The following MTM1 variants were observed in gnomAD, a reference collection of about 807,000 sequenced individuals.
MTM1 encodes myotubularin 1.
Under a neutral mutation model 52.1 loss-of-function variants are expected in MTM1, and 9 were observed. The observed-to-expected ratio is 0.17, with a 90% CI of 0.10 to 0.30. The LOEUF is 0.30. MTM1 is among the 10% of genes least tolerant of loss of function. The probability of loss-of-function intolerance (pLI) is 1.00; values close to 1 mark genes in which losing one functional copy is unlikely to be tolerated. For missense variants in MTM1, 277 were observed against 470.7 expected (o/e 0.59, Z 3.81); for synonymous variants, 136 against 163.8 (o/e 0.83, Z 1.29).
intron 6 of MTM1, among the ~76,000 whole-genome samples, chrX:150,623,821 A>G (rs2039522155): frequency 9.0e-6 from 1 of 111,576 alleles, no homozygotes; most frequent in Non-Finnish European, 1.9e-5. Context: ...TGCCTTGAAC[A>G]ATACAAAGGG....
intron 13 of MTM1, among the ~76,000 whole-genome samples, chrX:150,662,387 G>A (rs1302391259): frequency 9.0e-6 from 1 of 111,695 alleles, no homozygotes; most frequent in Non-Finnish European, 1.9e-5. Context: ...GCTGTGGCGC[G>A]ATCACGGCTC....
At chrX:150,595,118 T>G (rs1485042509) in intron 2 of MTM1, among the ~76,000 whole-genome samples, 1 of 111,638 alleles carries the variant, frequency 9.0e-6, no homozygotes, top group Non-Finnish European at 1.9e-5. Flanking sequence ...GAATATACAA[T>G]TCACATTTCT....
chrX:150,594,766 T>C (rs1291561599), intron 2 of MTM1, among the ~76,000 whole-genome samples: 2 of 112,223 alleles, frequency 1.8e-5, no homozygotes, highest in Non-Finnish European at 3.8e-5. Flanking sequence ...GACATTCACT[T>C]CCCTTATTTT....
At chrX:150,603,522 G>C (rs782075829) in intron 4 of MTM1, among the ~76,000 whole-genome samples, 1 of 111,463 alleles carries the variant, frequency 9.0e-6, no homozygotes, top group African/African-American at 3.3e-5. Context: ...GAAAAGAGGG[G>C]ACAGCCATGA....
intron 4 of MTM1, among the ~76,000 whole-genome samples, chrX:150,601,987 C>T (rs946703926): frequency 2.6e-4 from 29 of 111,735 alleles, no homozygotes; most frequent in Non-Finnish European, 2.6e-4. Flanking sequence ...TCAGAAGCTG[C>T]TAGTCATCCT....
chrX:150,564,722 A>G (rs2038241857), upstream of MTM1, among the ~76,000 whole-genome samples: 1 of 112,288 alleles, frequency 8.9e-6, no homozygotes, highest in African/African-American at 3.2e-5. Context: ...ATATTTGAAT[A>G]CACGTCTTTT....
In MTM1 at chrX:150,662,414, C is replaced by T. The variant is rs184112273; in HGVS notation, c.1468-1019C>T. On this transcript the variant is annotated intron_variant, in intron 13 of 14. Coordinates refer to ENST00000370396, the MANE Select transcript of MTM1 (RefSeq NM_000252.3). ...TCACGGCTCACTGCAACCTCTGCCC[C>T]CCAGGTTCAAGCAATTCTCCTGCCT... Among the ~76,000 whole-genome samples the T allele has an allele frequency of 4.3e-3, 485 of 111,858 alleles. 2 individuals carry two copies. Among genetic ancestry groups the T allele is most frequent in the African/African-American group, 0.014 (442 of 30,783 alleles).
rs191554989 is a variant in MTM1, at chrX:150,642,159, C to T, written c.678+741C>T. ...AAATTAAGACTTAATGTCACCTTGC[C>T]TTTTTCAAGTCTAGACATTTTTTTT... On this transcript the variant is annotated intron_variant, in intron 8 of 14. Coordinates refer to ENST00000370396, the MANE Select transcript of MTM1 (RefSeq NM_000252.3). Among the ~76,000 whole-genome samples, 59 of 111,062 alleles carry T rather than the reference C, an allele frequency of 5.3e-4. No individual in the cohort carries two copies. The Admixed American group carries it at 5.6e-3, about 11-fold the overall frequency.
chrX:150,664,957 C>T (rs2040280928), intron 14 of MTM1, among the ~76,000 whole-genome samples: 1 of 111,397 alleles, frequency 9.0e-6, no homozygotes, highest in Non-Finnish European at 1.9e-5. Context: ...TTTCTGAATT[C>T]CTAAAGGTAA....
rs1557412610 is a variant in MTM1, at chrX:150,596,524, T to G, written c.90T>G (p.Asp30Glu). The change falls in exon 3 of 15, where the codon GAT becomes GAG. Residue 30 changes from aspartate to glutamate, a missense_variant. Asp to Glu is a conservative substitution (Grantham distance 45). Transcript: ENST00000370396. ...CGTCTCGAGATGGAGTCAATCGAGA[T>G]CTCACTGAGGCTGTTCCTCGACTTC... Reference protein sequence around the residue: ...KRTSRDGVNRDLTEAVPRLPG... With the variant: ...KRTSRDGVNRELTEAVPRLPG... 1.7e-6 allele frequency: 2 copies of G among 1,210,013 alleles called. No individual in the cohort carries two copies. Among genetic ancestry groups the G allele is most frequent in the East Asian group, 5.9e-5 (2 of 33,836 alleles).
At chrX:150,637,259 T>C (rs1291141810) in intron 6 of MTM1, among the ~76,000 whole-genome samples, 1 of 112,066 alleles carries the variant, frequency 8.9e-6, no homozygotes, top group Non-Finnish European at 1.9e-5. Context: ...AGAAATACAC[T>C]GTGTTGTAGG....
At chrX:150,606,079 C>T (rs1428661936) in intron 4 of MTM1, among the ~76,000 whole-genome samples, 3 of 110,029 alleles carry the variant, frequency 2.7e-5, no homozygotes, top group African/African-American at 9.9e-5. Flanking sequence ...GTGGATTTGG[C>T]ACCTCTTTTC....
chrX:150,634,533 A>C (rs1557413656), intron 6 of MTM1, among the ~76,000 whole-genome samples: 2 of 111,977 alleles, frequency 1.8e-5, no homozygotes, highest in Non-Finnish European at 3.8e-5. Context: ...GTTTCATCTC[A>C]AGTTTGTCCT....
chrX:150,613,136 TAAA>T (rs782155099), intron 4 of MTM1, among the ~76,000 whole-genome samples: 21 of 90,426 alleles, frequency 2.3e-4, no homozygotes, highest in East Asian at 1.4e-3. Context: ...ACTTATCTCT[TAAA>T]AAAAAAAAAA....
chrX:150,653,641 A>G (rs1490778602), intron 10 of MTM1, among the ~76,000 whole-genome samples: 1 of 112,162 alleles, frequency 8.9e-6, no homozygotes, highest in African/African-American at 3.2e-5. Context: ...TCACCATTCA[A>G]TGTATGAAAG....
chrX:150,579,506 A>C (rs782695385), intron 1 of MTM1, among the ~76,000 whole-genome samples: 4 of 110,994 alleles, frequency 3.6e-5, no homozygotes, highest in African/African-American at 1.3e-4. Context: ...TTTAAAATAA[A>C]GTTTTTTGAG....
At chrX:150,627,732 A>G (rs1408032053) in intron 6 of MTM1, among the ~76,000 whole-genome samples, 2 of 111,767 alleles carry the variant, frequency 1.8e-5, no homozygotes, top group Admixed American at 1.9e-4. Context: ...ATTGCCTGCA[A>G]ATTCCTCTTC....
upstream of MTM1, among the ~76,000 whole-genome samples, chrX:150,567,845 C>T (rs2038284761): frequency 8.9e-6 from 1 of 112,509 alleles, no homozygotes; most frequent in Admixed American, 9.4e-5. Flanking sequence ...TGAGCCACCG[C>T]GCCCGGCCCA....
At position 150,614,582 on chromosome X, in the gene MTM1, A is replaced by G. The variant is rs373045797; in HGVS notation, c.232-7A>G. On this transcript the variant is annotated splice_polypyrimidine_tract_variant and splice_region_variant and intron_variant, in intron 4 of 14. Coordinates refer to ENST00000370396, the MANE Select transcript of MTM1 (RefSeq NM_000252.3). ...AATACTGACTACTGTATTTTTGTCC[A>G]TTACAGGATTCTTCTCTAATACTTG... The G allele has an allele frequency of 1.8e-5, 20 of 1,091,359 alleles. No individual in the cohort carries two copies. The highest frequency in any genetic ancestry group is 1.1e-4 in the African/African-American group (6 of 54,784). 89.9% of individuals were successfully genotyped at this position (1,091,359 alleles called of 1,213,427 possible).
Sources: gnomAD v4.1 joint callset for allele counts (sites outside exome capture counted in the v4.1 genomes callset) on GRCh38, gnomAD v4.1.1 for gene constraint, MANE v1.5 for transcripts, NCBI Gene and HGNC (gene_info 2026-07-23, HGNC 2026-07-21) for gene names.